Variants in GPC6 observed in about 807,000 individuals in gnomAD.
GPC6 encodes glypican-6.
Under a neutral mutation model 55.2 loss-of-function variants are expected in GPC6, and 14 were observed. That is an observed-to-expected ratio of 0.25 (90% confidence interval 0.17 to 0.40). The LOEUF (loss-of-function observed/expected upper bound fraction) is 0.40. GPC6 is among the 10% of genes least tolerant of loss of function. The pLI, the probability that GPC6 is intolerant of heterozygous loss-of-function variation, is 1.00. For synonymous variants in GPC6, 278 were observed against 259.6 expected, an observed-to-expected ratio of 1.07 and a Z score of -0.68; for missense variants, 641 against 708.5, an observed-to-expected ratio of 0.90 and a Z score of 1.08.
At chr13:93,349,763 G>A (rs987049442) in intron 1 of GPC6, among the ~76,000 whole-genome samples, 1 of 152,090 alleles carries the variant, frequency 6.6e-6, no homozygotes, top group Admixed American at 6.6e-5. Context: ...TCAGACACCA[G>A]TTTTAATTTT....
chr13:93,842,781 G>T (rs1888000494), intron 3 of GPC6, among the ~76,000 whole-genome samples: 1 of 151,856 alleles, frequency 6.6e-6, no homozygotes, highest in African/African-American at 2.4e-5. Flanking sequence ...AAGTCACCAG[G>T]ATATTTATTT....
chr13:93,910,753 C>G (rs768259803), intron 3 of GPC6, among the ~76,000 whole-genome samples: 1 of 152,174 alleles, frequency 6.6e-6, no homozygotes, highest in South Asian at 2.1e-4. Flanking sequence ...AACCCTTAAT[C>G]CAGTCAACCA....
chr13:93,744,669 G>A lies in GPC6; in HGVS notation c.320-85485G>A, dbSNP rs761991644. On this transcript the variant is annotated intron_variant, in intron 2 of 8. Coordinates refer to ENST00000377047, the MANE Select transcript of GPC6 (RefSeq NM_005708.5). ...TAAATATATCTCTCGGCCAGGCGTG[G>A]TGGCTCACACCTGTAATCCCAGCAC... 3.3e-5 allele frequency among the ~76,000 whole-genome samples: 5 copies of A among 151,472 alleles called. No individual in the cohort carries two copies. In the East Asian group the frequency reaches 9.8e-4, roughly 30 times the overall value.
At chr13:94,201,058 A>G (rs1275468658) in intron 4 of GPC6, among the ~76,000 whole-genome samples, 1 of 152,222 alleles carries the variant, frequency 6.6e-6, no homozygotes, top group Non-Finnish European at 1.5e-5. Flanking sequence ...AAACTGTAAC[A>G]TTATCAAGGC....
chr13:93,635,193 A>G (rs1367612082), intron 2 of GPC6, among the ~76,000 whole-genome samples: 1 of 151,718 alleles, frequency 6.6e-6, no homozygotes, highest in African/African-American at 2.4e-5. Context: ...CCAAACTTTC[A>G]TACAAAACTG....
intron 2 of GPC6, among the ~76,000 whole-genome samples, chr13:93,699,757 A>G (rs560708983): frequency 6.6e-6 from 1 of 152,120 alleles, no homozygotes. Flanking sequence ...GGATATATAC[A>G]CTATAGATTT....
chr13:94,123,850 C>T (rs895702282), intron 4 of GPC6, among the ~76,000 whole-genome samples: 2 of 151,978 alleles, frequency 1.3e-5, no homozygotes, highest in African/African-American at 4.8e-5. Context: ...TGCTAATGAG[C>T]CCTGTTTATC....
intron 3 of GPC6, among the ~76,000 whole-genome samples, chr13:93,946,434 A>G (rs1594610611): frequency 6.6e-6 from 1 of 152,116 alleles, no homozygotes; most frequent in Non-Finnish European, 1.5e-5. Flanking sequence ...TCTCGCCCCA[A>G]ACTTTATTTT....
chr13:94,279,429 T>G (rs1418981465), intron 4 of GPC6, among the ~76,000 whole-genome samples: 2 of 152,010 alleles, frequency 1.3e-5, no homozygotes, highest in South Asian at 2.1e-4. Context: ...AGGATTTTTG[T>G]GTCTTTATCT....
chr13:93,928,402 T>C (rs1457561079), intron 3 of GPC6, among the ~76,000 whole-genome samples: 1 of 152,172 alleles, frequency 6.6e-6, no homozygotes, highest in African/African-American at 2.4e-5. Context: ...TATATAGCGA[T>C]TCATATATAA....
At chr13:93,350,374 C>T (rs549022371) in intron 1 of GPC6, among the ~76,000 whole-genome samples, 2 of 152,136 alleles carry the variant, frequency 1.3e-5, no homozygotes, top group Non-Finnish European at 2.9e-5. Flanking sequence ...GCGGAGGTTG[C>T]AGTGAGCCAA....
intron 2 of GPC6, among the ~76,000 whole-genome samples, chr13:93,724,686 A>G (rs1259988240): frequency 2.6e-5 from 4 of 151,886 alleles, no homozygotes; most frequent in African/African-American, 9.7e-5. Context: ...TTTCTCTAAT[A>G]TTATGTTGTA....
intron 2 of GPC6, among the ~76,000 whole-genome samples, chr13:93,549,293 A>C (rs982526162): frequency 6.6e-6 from 1 of 152,104 alleles, no homozygotes; most frequent in Non-Finnish European, 1.5e-5. Context: ...ATCTTTGTGT[A>C]CTCACTCATT....
chr13:93,502,053 G>A (rs944889856), intron 1 of GPC6, among the ~76,000 whole-genome samples: 1 of 152,060 alleles, frequency 6.6e-6, no homozygotes, highest in Admixed American at 6.6e-5. Flanking sequence ...TCAATCTAAA[G>A]TAATAGACCC....
chr13:94,021,212 T>C (rs983536624), intron 3 of GPC6, among the ~76,000 whole-genome samples: 4 of 151,964 alleles, frequency 2.6e-5, no homozygotes, highest in South Asian at 2.1e-4. Flanking sequence ...ATTTTGGTTA[T>C]ATGATTTTCA....
At chr13:93,408,435 G>A (rs543310322) in intron 1 of GPC6, among the ~76,000 whole-genome samples, 5 of 152,246 alleles carry the variant, frequency 3.3e-5, no homozygotes, top group South Asian at 4.1e-4. Context: ...GCAGGAGCAA[G>A]TCTTGTGTGC....
intron 2 of GPC6, among the ~76,000 whole-genome samples, chr13:93,794,681 CA>C (rs1193995657): frequency 6.6e-6 from 1 of 152,084 alleles, no homozygotes; most frequent in Non-Finnish European, 1.5e-5. Context: ...TGTGACCCGT[CA>C]GGGGGGATAC....
intron 1 of GPC6, among the ~76,000 whole-genome samples, chr13:93,323,986 G>C (rs1830788): frequency 6.6e-6 from 1 of 151,910 alleles, no homozygotes; most frequent in South Asian, 2.1e-4. Context: ...GGAGATATCT[G>C]CACAACCATG....
intron 4 of GPC6, among the ~76,000 whole-genome samples, chr13:94,100,540 C>G (rs1438565964): frequency 1.3e-5 from 2 of 152,176 alleles, no homozygotes; most frequent in Non-Finnish European, 2.9e-5. Flanking sequence ...ATCTCCCAGT[C>G]CTAGAACCTT....
Sources: gnomAD v4.1 joint callset for allele counts (sites outside exome capture counted in the v4.1 genomes callset) on GRCh38, gnomAD v4.1.1 for gene constraint, MANE v1.5 for transcripts, NCBI Gene and HGNC (gene_info 2026-07-23, HGNC 2026-07-21) for gene names.